Variants in MRAP observed in about 807,000 individuals in gnomAD.
MRAP encodes the protein melanocortin 2 receptor accessory protein.
Under a neutral mutation model 8.7 loss-of-function variants are expected in MRAP, and 8 were observed. The ratio of observed to expected loss-of-function variants is 0.92; its 90% CI spans 0.54 to 1.66. MRAP has a LOEUF of 1.66. MRAP is among the 40% of genes most tolerant of loss of function. The pLI, the probability that MRAP is intolerant of heterozygous loss-of-function variation, is 0.00. For missense variants in MRAP, 237 were observed against 217.1 expected (o/e 1.09, Z -0.58); for synonymous variants, 95 against 95.5 (o/e 1.00, Z 0.03).
intron 2 of MRAP, among the ~76,000 whole-genome samples, chr21:32,309,608 C>G (rs560310808): frequency 1.3e-4 from 19 of 150,864 alleles, no homozygotes; most frequent in Admixed American, 1.2e-3. Flanking sequence ...CCCGCCACGA[C>G]GCACAGCTAA....
chr21:32,297,695 T>C (rs922512322), upstream of MRAP, among the ~76,000 whole-genome samples: 5 of 152,168 alleles, frequency 3.3e-5, no homozygotes, highest in African/African-American at 1.2e-4. Context: ...CTACCAAGAA[T>C]AGGAAATTGC....
chr21:32,314,661 C>A (rs368891123), downstream of MRAP: 2 of 1,612,750 alleles, frequency 1.2e-6, no homozygotes, highest in East Asian at 2.2e-5. Context: ...TGACGAGGCA[C>A]TGGATGGGCC....
At chr21:32,314,009 TA>T (rs1228843885), downstream of MRAP, 1 of 153,796 alleles carries the variant, frequency 6.5e-6, no homozygotes, top group Non-Finnish European at 1.4e-5. Flanking sequence ...CTCTTTGAAG[TA>T]TAGCTTTAAA....
In MRAP at chr21:32,306,670, T is replaced by G; in HGVS notation, c.137T>G (p.Leu46Arg). 3 of 1,614,172 alleles carry G rather than the reference T, an allele frequency of 1.9e-6. No homozygotes were observed. Among genetic ancestry groups the G allele is most frequent in the Non-Finnish European group, 2.5e-6 (3 of 1,180,030 alleles). ...HSIVIAFWVSLAAFVVLLFLI... is the reference protein window; with the variant it reads ...HSIVIAFWVSRAAFVVLLFLI... ...ATCGTGATCGCATTCTGGGTGAGCC[T>G]GGCTGCCTTCGTGGTGCTGCTCTTC... Residue 46 changes from leucine to arginine, a missense_variant, in exon 2 of 3, where the codon CTG becomes CGG. By Grantham distance (102) the Leu-to-Arg change is moderately radical. Coordinates refer to ENST00000303645, the MANE Select transcript of MRAP (RefSeq NM_001379228.1).
intron 1 of MRAP, among the ~76,000 whole-genome samples, chr21:32,292,511 C>T (rs1328440491): frequency 6.6e-6 from 1 of 152,134 alleles, no homozygotes; most frequent in Non-Finnish European, 1.5e-5. Flanking sequence ...GGTTGGAATA[C>T]AGTGGCGTGA....
rs1601112377 is a variant in MRAP at position 32,312,013 on chromosome 21, C to T, written c.*17C>T. ...CAGAGCTGATGTCAGTAAATCGTGG[C>T]CATAGCTGAGTGAACTGGTGAAATC... On this transcript the variant is annotated 3_prime_UTR_variant, in exon 3 of 3. Coordinates refer to ENST00000303645, the MANE Select transcript of MRAP (RefSeq NM_001379228.1). 6.2e-7 allele frequency: 1 copy of T among 1,612,832 alleles called. No homozygotes were observed. Among genetic ancestry groups the T allele is most frequent in the East Asian group, 2.2e-5 (1 of 44,880 alleles).
chr21:32,299,100 G>T (rs780467532), intron 1 of MRAP, 23 bp downstream of exon 1: 3 of 1,597,040 alleles, frequency 1.9e-6, no homozygotes, highest in Non-Finnish European at 1.7e-6. Context: ...TAGGGAAGCC[G>T]GTCAGACAGA....
intron 1 of MRAP, among the ~76,000 whole-genome samples, chr21:32,301,914 T>A (rs73190603): frequency 0.018 from 2,797 of 152,278 alleles, 27 homozygotes; most frequent in Non-Finnish European, 0.029. Context: ...AAATTCAAAG[T>A]ATAGATTAAA....
chr21:32,305,419 C>A (rs2032391180), intron 1 of MRAP, among the ~76,000 whole-genome samples: 2 of 152,196 alleles, frequency 1.3e-5, no homozygotes, highest in South Asian at 4.1e-4. Context: ...AGAGCCTCCA[C>A]CTCTGCCTCT....
intron 1 of MRAP, among the ~76,000 whole-genome samples, chr21:32,300,597 CTATGTCGGA>C (rs146364079): frequency 6.4e-5 from 9 of 141,628 alleles, no homozygotes; most frequent in South Asian, 4.7e-4. Context: ...GTCACACGTC[CTATGTCGGA>C]TATGTCACGC....
chr21:32,311,530 G>A, intron 2 of MRAP, 154 bp from the exon 3 acceptor site: 2 of 1,088,882 alleles, frequency 1.8e-6, no homozygotes, highest in East Asian at 5.0e-5. Flanking sequence ...GGCCACCTTT[G>A]TGAGCTGGCT....
chr21:32,314,404 C>T (rs1438164810), downstream of MRAP: 2 of 674,286 alleles, frequency 3.0e-6, no homozygotes, highest in East Asian at 3.0e-5. Flanking sequence ...AGGCTGGTTT[C>T]GAACTCCTGA....
chr21:32,312,839 TG>T (rs1057420503), downstream of MRAP: 1 of 152,218 alleles, frequency 6.6e-6, no homozygotes, highest in African/African-American at 2.4e-5. Flanking sequence ...TTAAAATAAC[TG>T]TGCCCCCCGC....
chr21:32,292,677 G>A (rs1423678829), intron 1 of MRAP, among the ~76,000 whole-genome samples: 2 of 151,826 alleles, frequency 1.3e-5, no homozygotes, highest in East Asian at 1.9e-4. Context: ...GGCTGGTCTC[G>A]AACTCCTGAC....
rs139068726 is a variant in MRAP at position 32,300,530 on chromosome 21, G to A, written c.106+1453G>A. 1.2e-4 allele frequency among the ~76,000 whole-genome samples: 17 copies of A among 138,594 alleles called. No homozygotes were observed. The South Asian group carries it at 3.1e-3, about 25-fold the overall frequency. 90.9% of individuals were successfully genotyped at this position (138,594 alleles called of 152,430 possible). A position where few individuals can be genotyped will look rare whatever the true frequency, so the allele number is the denominator to read the frequency against. On this transcript the variant is annotated intron_variant, in intron 1 of 2. Transcript: ENST00000303645. ...CGCATCCTATGTCACGTCATGCGTCGCATGTCAGATGCGTCACGTGTCCTA... is the reference window on the plus strand; with the variant it reads ...CGCATCCTATGTCACGTCATGCGTCACATGTCAGATGCGTCACGTGTCCTA...
chr21:32,299,178 T>G, intron 1 of MRAP, 101 bp downstream of exon 1: 1 of 842,580 alleles, frequency 1.2e-6, no homozygotes, highest in Non-Finnish European at 2.0e-6. Flanking sequence ...TTAACTCCGG[T>G]AGACATCATG....
rs780893835 is a variant in MRAP at position 32,304,344 on chromosome 21, C to T, written c.107-2296C>T. Among the ~76,000 whole-genome samples, 4 of 152,176 alleles carry T rather than the reference C, an allele frequency of 2.6e-5. No homozygotes were observed. In the East Asian group the frequency reaches 5.8e-4, roughly 22 times the overall value. On this transcript the variant is annotated intron_variant, in intron 1 of 2. Transcript: ENST00000303645. ...CAAAAATCCTTAAGCTGGCTGGGTG[C>T]GGTGACTCACGCCTGTAACCCCAGC...
upstream of MRAP, among the ~76,000 whole-genome samples, chr21:32,295,753 A>T (rs1395363030): frequency 6.6e-6 from 1 of 152,112 alleles, no homozygotes; most frequent in Non-Finnish European, 1.5e-5. Context: ...AGGCAGGCGG[A>T]TCTCCTGAGA....
At chr21:32,297,920 A>G (rs1056441979), upstream of MRAP, among the ~76,000 whole-genome samples, 1 of 152,202 alleles carries the variant, frequency 6.6e-6, no homozygotes, top group Non-Finnish European at 1.5e-5. Context: ...GAGGGGCTCA[A>G]GTTATCTGGG....
Sources: gnomAD v4.1 joint callset for allele counts (sites outside exome capture counted in the v4.1 genomes callset) on GRCh38, gnomAD v4.1.1 for gene constraint, MANE v1.5 for transcripts, NCBI Gene and HGNC (gene_info 2026-07-23, HGNC 2026-07-21) for gene names.